GPALPP1: variants seen among roughly 807,000 people sequenced by gnomAD.
GPALPP1 encodes the protein GPALPP motifs containing 1.
Under a neutral mutation model 38.9 loss-of-function variants are expected in GPALPP1, and 30 were observed. That is an observed-to-expected ratio of 0.77 (90% CI 0.58 to 1.05). The LOEUF (loss-of-function observed/expected upper bound fraction) is 1.05, where lower values mean the gene tolerates loss of function less well. Ranked by LOEUF, GPALPP1 falls within the 50% of genes least tolerant of loss-of-function variation. The pLI, the probability that GPALPP1 is intolerant of heterozygous loss-of-function variation, is 0.00. For synonymous variants in GPALPP1, 120 were observed against 139.2 expected (o/e 0.86, Z 0.97); for missense variants, 384 against 408.8 (o/e 0.94, Z 0.52).
chr13:44,992,235 A>G (rs1593378749), intron 1 of GPALPP1, among the ~76,000 whole-genome samples: 1 of 152,286 alleles, frequency 6.6e-6, no homozygotes, highest in East Asian at 1.9e-4. Flanking sequence ...TTCCCTGGTG[A>G]CAAATGAAAT....
intron 1 of GPALPP1, chr13:44,990,159 C>G (rs978318979): frequency 2.0e-5 from 8 of 409,748 alleles, no homozygotes; most frequent in Middle Eastern, 6.0e-4. Context: ...CTCTTAACCT[C>G]TGTGCCATAT....
In GPALPP1 at chr13:45,006,254, G is replaced by A. The variant is rs1874097345; in HGVS notation, c.274G>A (p.Gly92Arg). 1 of 1,610,146 alleles carries A rather than the reference G, an allele frequency of 6.2e-7. No homozygotes were observed. The highest frequency in any genetic ancestry group is 8.5e-7 in the Non-Finnish European group (1 of 1,177,588). The change falls in exon 3 of 8, where the codon GGA (glycine) becomes AGA (arginine). Residue 92 changes from glycine to arginine, a missense_variant. By Grantham distance (125) the Gly-to-Arg change is moderately radical. Transcript: ENST00000379151. ...DDDDDDDGFF[G>R]PALPPGFKKQ... Reference sequence around the variant, plus strand: ...CGATGATGATGATGATGGGTTTTTTGGACCAGCCCTTCCTCCTGGATTTAA... The same window carrying A: ...CGATGATGATGATGATGGGTTTTTTAGACCAGCCCTTCCTCCTGGATTTAA...
intron 1 of GPALPP1, among the ~76,000 whole-genome samples, chr13:44,999,985 G>A (rs768587505): frequency 3.4e-4 from 52 of 152,098 alleles, no homozygotes; most frequent in Admixed American, 9.8e-4. Flanking sequence ...TGTGCTGAAT[G>A]TTACTTTTTT....
intron 7 of GPALPP1, among the ~76,000 whole-genome samples, chr13:45,024,047 C>T (rs1267681643): frequency 1.3e-5 from 2 of 152,114 alleles, no homozygotes; most frequent in Non-Finnish European, 2.9e-5. Context: ...TTTTGATTCA[C>T]TAAATTTATG....
At position 45,008,795 on chromosome 13, in the gene GPALPP1, G is replaced by C. The variant is rs780436691; in HGVS notation, c.324G>C (p.Arg108Ser). The change falls in exon 4 of 8, where the codon AGG becomes AGC. Residue 108 changes from arginine (R) to serine (S), a missense_variant and splice_region_variant. Coordinates refer to ENST00000379151, the MANE Select transcript of GPALPP1 (RefSeq NM_018559.5). ...GFKKQDDSPP[R>S]PIIGPALPPG... ...GATAAAAGTACATTTTATTTTTCAG[G>C]CCCATAATAGGTCCTGCATTGCCAC... The C allele has an allele frequency of 1.3e-6, 2 of 1,504,064 alleles. No homozygotes were observed. The highest frequency in any genetic ancestry group is 2.8e-5 in the African/African-American group (2 of 72,656). 93.2% of individuals were successfully genotyped at this position (1,504,064 alleles called of 1,614,324 possible). A position where few individuals can be genotyped will look rare whatever the true frequency, so the allele number is the denominator to read the frequency against.
At chr13:44,994,562 A>G (rs531140442) in intron 1 of GPALPP1, among the ~76,000 whole-genome samples, 18 of 152,220 alleles carry the variant, frequency 1.2e-4, no homozygotes, top group African/African-American at 3.9e-4. Context: ...GTCTTCATAC[A>G]TGTTGTTCCC....
chr13:44,995,080 G>A (rs1393084647), intron 1 of GPALPP1, among the ~76,000 whole-genome samples: 2 of 151,668 alleles, frequency 1.3e-5, no homozygotes, highest in African/African-American at 2.4e-5. Context: ...TTGAACTCCC[G>A]ACCTCAGGTG....
chr13:45,037,434 C>T (rs1876424565), exon 8 of GPALPP1: 1 of 152,138 alleles, frequency 6.6e-6, no homozygotes, highest in Admixed American at 6.5e-5. Context: ...TATCATCAGC[C>T]TAAGATTGCT....
At chr13:45,007,250 C>G (rs566478934) in intron 3 of GPALPP1, among the ~76,000 whole-genome samples, 1 of 152,054 alleles carries the variant, frequency 6.6e-6, no homozygotes, top group Non-Finnish European at 1.5e-5. Flanking sequence ...TGTAACATTC[C>G]TTTTAAGAAA....
At chr13:45,010,930 C>T (rs974434851) in intron 4 of GPALPP1, among the ~76,000 whole-genome samples, 1 of 152,060 alleles carries the variant, frequency 6.6e-6, no homozygotes, top group Non-Finnish European at 1.5e-5. Flanking sequence ...TTGCAGTGAG[C>T]TGAGATCATG....
intron 6 of GPALPP1, among the ~76,000 whole-genome samples, chr13:45,018,991 A>AT (rs1566081810): frequency 2.9e-3 from 31 of 10,814 alleles, no homozygotes; most frequent in Admixed American, 0.016. Context: ...ATATACATAT[A>AT]AATATATATA....
chr13:44,998,968 A>C (rs1873480572), intron 1 of GPALPP1, among the ~76,000 whole-genome samples: 1 of 152,202 alleles, frequency 6.6e-6, no homozygotes, highest in African/African-American at 2.4e-5. Context: ...GAGAATACCG[A>C]GGGACAACTG....
chr13:45,034,277 G>A (rs1453172827), downstream of GPALPP1: 1 of 152,230 alleles, frequency 6.6e-6, no homozygotes, highest in Non-Finnish European at 1.5e-5. Context: ...GATAAGTAAA[G>A]CAGATTCCTT....
At chr13:45,007,509 A>G (rs1390416942) in intron 3 of GPALPP1, among the ~76,000 whole-genome samples, 1 of 152,206 alleles carries the variant, frequency 6.6e-6, no homozygotes, top group African/African-American at 2.4e-5. Context: ...TAAAAATTGT[A>G]CTCAGAAAAA....
chr13:45,019,455 G>T (rs960274132), intron 6 of GPALPP1, among the ~76,000 whole-genome samples: 1 of 151,824 alleles, frequency 6.6e-6, no homozygotes, highest in African/African-American at 2.4e-5. Flanking sequence ...GCCTCTTGCT[G>T]CTATATTTTG....
Position 45,015,478 on chromosome 13 carries a change from C to G in GPALPP1, c.587C>G (p.Pro196Arg). ...AGAGAGTCATGGATGACTGAACTTC[C>G]TCCAGAAATGAAAGACTTTGGTCTT... ...IVRESWMTELPPEMKDFGLGP... is the reference protein window; with the variant it reads ...IVRESWMTELRPEMKDFGLGP... The change falls in exon 6 of 8, where the codon CCT (proline) becomes CGT (arginine). Residue 196 changes from proline (P) to arginine (R), a missense_variant. Coordinates refer to ENST00000379151, the MANE Select transcript of GPALPP1 (RefSeq NM_018559.5). The G allele has an allele frequency of 6.2e-7, 1 of 1,606,534 alleles. No homozygotes were observed. The highest frequency in any genetic ancestry group is 8.5e-7 in the Non-Finnish European group (1 of 1,176,366).
chr13:45,001,594 C>CT (rs112345656), intron 1 of GPALPP1: 76 of 149,700 alleles, frequency 5.1e-4, no homozygotes, highest in East Asian at 1.8e-3. Context: ...TCCTTGGTTC[C>CT]TTTTTTTTTT....
chr13:45,025,833 A>G (rs959489085), intron 7 of GPALPP1, among the ~76,000 whole-genome samples: 1 of 151,018 alleles, frequency 6.6e-6, no homozygotes, highest in South Asian at 2.1e-4. Flanking sequence ...GTGCAATGGC[A>G]TGATCTTGGC....
At chr13:45,025,606 A>G (rs1410262525) in intron 7 of GPALPP1, among the ~76,000 whole-genome samples, 3 of 152,086 alleles carry the variant, frequency 2.0e-5, no homozygotes, top group Non-Finnish European at 2.9e-5. Flanking sequence ...TCAAAAATTT[A>G]GAAATTATTA....
Sources: gnomAD v4.1 joint callset for allele counts (sites outside exome capture counted in the v4.1 genomes callset) on GRCh38, gnomAD v4.1.1 for gene constraint, MANE v1.5 for transcripts, NCBI Gene and HGNC (gene_info 2026-07-23, HGNC 2026-07-21) for gene names.